Variants in PDXDC1 observed in about 807,000 individuals in gnomAD.
PDXDC1 encodes the protein pyridoxal dependent decarboxylase domain containing 1, also known as pyridoxal-dependent decarboxylase domain-containing protein 1.
In PDXDC1, 42 loss-of-function variants were observed where a neutral mutation model predicts 100.1. That is an observed-to-expected ratio of 0.42 (90% confidence interval 0.33 to 0.54). The LOEUF is 0.54. Ranked by LOEUF, PDXDC1 falls within the 20% of genes least tolerant of loss-of-function variation. The probability of loss-of-function intolerance (pLI) is 0.10; values close to 1 mark genes in which losing one functional copy is unlikely to be tolerated. For synonymous variants in PDXDC1, 260 were observed against 371.7 expected (o/e 0.70, Z 3.46); for missense variants, 636 against 979.2 (o/e 0.65, Z 4.68).
rs906301614 is a variant in PDXDC1, at chr16:15,034,210, A to G, written c.1813-76A>G. 23 of 1,244,114 alleles carry G rather than the reference A, an allele frequency of 1.8e-5. No homozygotes were observed. The South Asian group carries it at 2.7e-4, about 15-fold the overall frequency. The allele number at this position is 1,244,114 out of a possible 1,614,324, so 77.1% of individuals were successfully genotyped here. On this transcript the variant is annotated intron_variant, in intron 19 of 22. Transcript: ENST00000396410. ...TGACCTGCTTTTGAAAAATTCCCTC[A>G]GTGCTGTGTTACTAGCTCTTCTGGG...
At chr16:15,061,637 C>T (rs918862941) in intron 16 of PDXDC1, 76 of 1,032,436 alleles carry the variant, frequency 7.4e-5, no homozygotes, top group South Asian at 2.1e-4. Context: ...GGCAGGCACT[C>T]GCTCTAGTTC....
the PDXDC1 span, among the ~76,000 whole-genome samples, chr16:15,146,806 C>G: frequency 2.6e-5 from 4 of 151,954 alleles, no homozygotes; most frequent in African/African-American, 9.7e-5. Context: ...ACCGACAGAG[C>G]TACTTTAACA....
At chr16:15,083,399 AAAAAAG>A (rs950939308) in intron 16 of PDXDC1, 23 of 1,494,928 alleles carry the variant, frequency 1.5e-5, no homozygotes, top group East Asian at 7.3e-5. Context: ...ACTCGGTCTC[AAAAAAG>A]AAAAAGAAAA....
Position 15,071,245 on chromosome 16 carries a change from C to A in PDXDC1, c.1399+41189C>A, listed in dbSNP as rs552069961. On this transcript the variant is annotated intron_variant, in intron 16 of 16. Coordinates refer to the PDXDC1 transcript ENST00000535621. ...CAGAGATGTTCCAAAAATGCCTCTGCGAATCCCTATAAAAAGAGAGGGCGT... is the reference window on the plus strand; with the variant it reads ...CAGAGATGTTCCAAAAATGCCTCTGAGAATCCCTATAAAAAGAGAGGGCGT... 4.4e-6 allele frequency: 7 copies of A among 1,607,018 alleles called. No individual in the cohort carries two copies. In the African/African-American group the frequency reaches 9.4e-5, roughly 22 times the overall value.
At chr16:15,020,975 AAC>A (rs66850292) in intron 12 of PDXDC1, among the ~76,000 whole-genome samples, 8,600 of 145,302 alleles carry the variant, frequency 0.059, 7 homozygotes, top group African/African-American at 0.068. Flanking sequence ...GCACCATCTA[AAC>A]ACACACACAC....
At chr16:15,097,176 G>C (rs969728088) in intron 16 of PDXDC1, among the ~76,000 whole-genome samples, 9 of 151,812 alleles carry the variant, frequency 5.9e-5, no homozygotes, top group African/African-American at 2.2e-4. Flanking sequence ...ACAGAGGTGG[G>C]AGAATCACTT....
chr16:15,026,547 A>G, intron 13 of PDXDC1, 96 bp from the exon 14 acceptor site: 4 of 946,448 alleles, frequency 4.2e-6, no homozygotes, highest in Non-Finnish European at 6.6e-6. Flanking sequence ...ATTTACAAAT[A>G]GAGCATTTCT....
At chr16:15,099,248 C>A (rs946443095) in intron 16 of PDXDC1, among the ~76,000 whole-genome samples, 12 of 151,764 alleles carry the variant, frequency 7.9e-5, no homozygotes, top group East Asian at 7.7e-4. Context: ...CATGGTGAAA[C>A]CCCATCTCTA....
intron 16 of PDXDC1, chr16:15,063,397 A>G: frequency 1.2e-6 from 1 of 804,258 alleles, no homozygotes; most frequent in Non-Finnish European, 2.2e-6. Flanking sequence ...TGAAAACTAC[A>G]GCTTAAATAA....
At chr16:15,079,358 C>G (rs2045601507) in intron 16 of PDXDC1, among the ~76,000 whole-genome samples, 1 of 152,140 alleles carries the variant, frequency 6.6e-6, no homozygotes, top group African/African-American at 2.4e-5. Context: ...TAAGAAAGGC[C>G]AAACAGGAAA....
intron 16 of PDXDC1, among the ~76,000 whole-genome samples, chr16:15,124,145 C>G (rs915054956): frequency 7.0e-4 from 106 of 152,130 alleles, no homozygotes; most frequent in Non-Finnish European, 1.1e-3. Flanking sequence ...GCCCACAATA[C>G]CCAGAGGGCT....
At chr16:15,057,140 GTCT>G (rs2151744297) in intron 16 of PDXDC1, among the ~76,000 whole-genome samples, 1 of 152,198 alleles carries the variant, frequency 6.6e-6, no homozygotes, top group Non-Finnish European at 1.5e-5. Flanking sequence ...TGTATTCATC[GTCT>G]TCTTTCATAA....
chr16:15,130,822 C>T (rs986509722), intron 16 of PDXDC1: 7 of 833,702 alleles, frequency 8.4e-6, no homozygotes, highest in Non-Finnish European at 1.4e-5. Flanking sequence ...CACACGCCTG[C>T]TGGGAAGCTC....
In PDXDC1 at chr16:15,089,354, C is replaced by T. The variant is rs142765737; in HGVS notation, c.1400-49525C>T. ...CCACAAGAGCAATCTTGGCTACAGACACAAATATATTAGGACACAGGTAGA... is the reference window on the plus strand; with the variant it reads ...CCACAAGAGCAATCTTGGCTACAGATACAAATATATTAGGACACAGGTAGA... On this transcript the variant is annotated intron_variant, in intron 16 of 16. Transcript: ENST00000535621. 5.4e-3 allele frequency among the ~76,000 whole-genome samples: 817 copies of T among 152,066 alleles called. 7 individuals carry two copies. Among genetic ancestry groups the T allele is most frequent in the African/African-American group, 0.018 (763 of 41,478 alleles).
intron 16 of PDXDC1, among the ~76,000 whole-genome samples, chr16:15,057,509 C>A (rs1290267035): frequency 6.6e-6 from 1 of 152,156 alleles, no homozygotes; most frequent in Non-Finnish European, 1.5e-5. Context: ...CAGTGCTCTC[C>A]ATCACTATAA....
At chr16:15,066,423 A>G (rs1364744461) in intron 16 of PDXDC1, among the ~76,000 whole-genome samples, 1 of 152,118 alleles carries the variant, frequency 6.6e-6, no homozygotes, top group Non-Finnish European at 1.5e-5. Flanking sequence ...ACTTGAGCTC[A>G]GGAGTTTGAG....
intron 16 of PDXDC1, among the ~76,000 whole-genome samples, chr16:15,132,513 G>A (rs901062778): frequency 2.0e-5 from 3 of 150,394 alleles, no homozygotes; most frequent in Admixed American, 1.3e-4. Context: ...TTTACACCCT[G>A]GGTCCCCCGA....
chr16:14,990,872 C>A (rs1970615963), intron 1 of PDXDC1, among the ~76,000 whole-genome samples: 2 of 152,286 alleles, frequency 1.3e-5, no homozygotes, highest in South Asian at 4.1e-4. Flanking sequence ...TTCCGAGTAC[C>A]TAGGACTACA....
chr16:15,058,146 A>G (rs2044590551), intron 16 of PDXDC1, among the ~76,000 whole-genome samples: 1 of 152,052 alleles, frequency 6.6e-6, no homozygotes, highest in African/African-American at 2.4e-5. Context: ...CTGCTTCTCC[A>G]ACAAATACAA....
Sources: allele counts gnomAD v4.1 joint callset (sites outside exome capture counted in the v4.1 genomes callset), GRCh38; gene constraint gnomAD v4.1.1; transcripts MANE v1.5; gene names NCBI Gene and HGNC (gene_info 2026-07-23, HGNC 2026-07-21).